ATRNL1: variants seen among roughly 807,000 people sequenced by gnomAD.
ATRNL1 encodes attractin like 1.
Under a neutral mutation model 182.7 loss-of-function variants are expected in ATRNL1, and 95 were observed. The ratio of observed to expected loss-of-function variants is 0.52; its 90% CI spans 0.44 to 0.62. The LOEUF (loss-of-function observed/expected upper bound fraction) is 0.62, where lower values mean the gene tolerates loss of function less well. ATRNL1 is among the 20% of genes least tolerant of loss of function. ATRNL1 has a pLI of 0.00. For synonymous variants in ATRNL1, 576 were observed against 568.3 expected (o/e 1.01, Z -0.19); for missense variants, 1,471 against 1,679.5 (o/e 0.88, Z 2.17).
intron 26 of ATRNL1, among the ~76,000 whole-genome samples, chr10:115,584,726 A>T (rs2133897131): frequency 6.6e-6 from 1 of 151,962 alleles, no homozygotes; most frequent in East Asian, 1.9e-4. Flanking sequence ...ATTTTTTGAA[A>T]GCTTTTTGTG....
intron 3 of ATRNL1, among the ~76,000 whole-genome samples, chr10:115,127,172 C>T (rs1845009396): frequency 6.6e-6 from 1 of 152,136 alleles, no homozygotes. Context: ...TGTAGAGTGT[C>T]TTCCAGCTTC....
At chr10:115,197,355 G>T (rs1848401337) in intron 8 of ATRNL1, among the ~76,000 whole-genome samples, 1 of 151,852 alleles carries the variant, frequency 6.6e-6, no homozygotes, top group African/African-American at 2.4e-5. Flanking sequence ...TCTTTATATG[G>T]TTTTGTAATC....
chr10:115,527,914 T>TC (rs1565132924), intron 25 of ATRNL1, among the ~76,000 whole-genome samples: 3 of 68,360 alleles, frequency 4.4e-5, no homozygotes, highest in Non-Finnish European at 8.8e-5. Flanking sequence ...CTTCCTTCCT[T>TC]CCTCCCTTCC....
At chr10:115,604,048 G>T (rs1369788161) in intron 26 of ATRNL1, among the ~76,000 whole-genome samples, 6 of 151,828 alleles carry the variant, frequency 4.0e-5, no homozygotes, top group Non-Finnish European at 7.4e-5. Flanking sequence ...TCATTCTTTC[G>T]ATGTCATTTC....
chr10:115,136,958 G>A (rs1417918208), intron 5 of ATRNL1, among the ~76,000 whole-genome samples: 2 of 152,156 alleles, frequency 1.3e-5, no homozygotes, highest in Non-Finnish European at 2.9e-5. Context: ...CAAACATTGG[G>A]ATAGAAGAGC....
At chr10:115,463,280 A>T (rs1847901956) in intron 22 of ATRNL1, among the ~76,000 whole-genome samples, 1 of 151,824 alleles carries the variant, frequency 6.6e-6, no homozygotes. Flanking sequence ...TTTACATTTT[A>T]TGTTACTCTT....
Position 115,467,186 on chromosome 10 carries a change from C to A in ATRNL1, c.3430C>A (p.Leu1144Met). 1 of 1,602,550 alleles carries A rather than the reference C, an allele frequency of 6.2e-7. No individual in the cohort carries two copies. Among genetic ancestry groups the A allele is most frequent in the Non-Finnish European group, 8.5e-7 (1 of 1,172,882 alleles). The change falls in exon 23 of 29, where the codon CTG (leucine) becomes ATG (methionine). Residue 1144 changes from leucine to methionine, a missense_variant. Physicochemically the swap from Leu to Met is conservative, Grantham distance 15. Coordinates refer to ENST00000355044, the MANE Select transcript of ATRNL1 (RefSeq NM_207303.4). ...TCTTTTCTGGTAGTCGAACAAAAAT[C>A]TGGATATATCAATTAATGCATCAAA... The part of the protein sequence containing the change: ...IANPEQSNKN[L>M]DISINASNNF...
chr10:115,278,412 G>C (rs1381581974), intron 13 of ATRNL1, among the ~76,000 whole-genome samples: 1 of 152,230 alleles, frequency 6.6e-6, no homozygotes, highest in East Asian at 1.9e-4. Context: ...GACACCTCCA[G>C]CTATCAATGT....
chr10:115,222,143 C>T (rs541336793), intron 9 of ATRNL1, among the ~76,000 whole-genome samples: 1 of 151,948 alleles, frequency 6.6e-6, no homozygotes, highest in South Asian at 2.1e-4. Context: ...AATGGAAATT[C>T]TAGAACTGAA....
chr10:115,324,069 G>A (rs374841553), intron 18 of ATRNL1, among the ~76,000 whole-genome samples: 3 of 152,134 alleles, frequency 2.0e-5, no homozygotes, highest in East Asian at 1.9e-4. Context: ...GAGCCACCGC[G>A]TCTGACCTAT....
intron 27 of ATRNL1, among the ~76,000 whole-genome samples, chr10:115,768,535 T>C (rs1948913754): frequency 6.6e-6 from 1 of 152,126 alleles, no homozygotes; most frequent in Non-Finnish European, 1.5e-5. Flanking sequence ...TTCTATTTTT[T>C]GACCATCGTT....
intron 26 of ATRNL1, among the ~76,000 whole-genome samples, chr10:115,718,714 G>A (rs782804842): frequency 5.3e-5 from 8 of 152,252 alleles, no homozygotes; most frequent in African/African-American, 1.7e-4. Flanking sequence ...AAAATTTCCC[G>A]AAGAGTCACC....
intron 5 of ATRNL1, among the ~76,000 whole-genome samples, chr10:115,135,307 C>T (rs1266375831): frequency 6.6e-6 from 1 of 152,162 alleles, no homozygotes; most frequent in East Asian, 1.9e-4. Context: ...AGCCCAAAAT[C>T]TCCTTAAGCT....
At position 115,385,315 on chromosome 10, in the gene ATRNL1, T is replaced by G. The variant is rs1370182724; in HGVS notation, c.3176-9344T>G. On this transcript the variant is annotated intron_variant, in intron 19 of 28. Coordinates refer to ENST00000355044, the MANE Select transcript of ATRNL1 (RefSeq NM_207303.4). ...GTCTGTTGGCTAAGGACATTAAATATCTTTTCATGTGTTTATTAGCAAGTT... is the reference window on the plus strand; with the variant it reads ...GTCTGTTGGCTAAGGACATTAAATAGCTTTTCATGTGTTTATTAGCAAGTT... 2.0e-5 allele frequency among the ~76,000 whole-genome samples: 3 copies of G among 152,158 alleles called. No homozygotes were observed. The East Asian group carries it at 5.8e-4, about 29-fold the overall frequency.
intron 5 of ATRNL1, among the ~76,000 whole-genome samples, chr10:115,139,150 T>C (rs184984229): frequency 4.0e-4 from 61 of 152,332 alleles, no homozygotes; most frequent in African/African-American, 1.4e-3. Context: ...TCATTGTCCA[T>C]ATGATTATCA....
intron 10 of ATRNL1, among the ~76,000 whole-genome samples, chr10:115,244,654 A>G (rs952765592): frequency 6.6e-6 from 1 of 152,128 alleles, no homozygotes; most frequent in Admixed American, 6.5e-5. Flanking sequence ...ATCTAGTTTG[A>G]GGTCAGATTT....
In ATRNL1 at chr10:115,286,212, C is replaced by T. The variant is rs1554918797; in HGVS notation, c.2234-4C>T. On this transcript the variant is annotated splice_region_variant and splice_polypyrimidine_tract_variant and intron_variant, in intron 14 of 28. Transcript: ENST00000355044. The stretch of plus-strand genomic sequence containing the variant: ...ACAATAAGACACATTTTTTTTCTTA[C>T]TAGCTCATCTTTGTGGAGAAGGATG... The T allele has an allele frequency of 5.4e-6, 8 of 1,486,594 alleles. No individual in the cohort carries two copies. The Admixed American group carries it at 5.9e-5, about 11-fold the overall frequency. The allele number at this position is 1,486,594 out of a possible 1,614,324, so 92.1% of individuals were successfully genotyped here. A position where few individuals can be genotyped will look rare whatever the true frequency, so the allele number is the denominator to read the frequency against.
At chr10:115,186,170 C>T (rs1316183315) in intron 8 of ATRNL1, among the ~76,000 whole-genome samples, 3 of 151,954 alleles carry the variant, frequency 2.0e-5, no homozygotes, top group Admixed American at 6.6e-5. Context: ...GGCAAAGGAT[C>T]TAAGTAGACA....
chr10:115,890,532 G>T (rs1952054740), intron 28 of ATRNL1, among the ~76,000 whole-genome samples: 1 of 151,952 alleles, frequency 6.6e-6, no homozygotes, highest in African/African-American at 2.4e-5. Flanking sequence ...TTTGAAAATT[G>T]CTGCTGCTTG....
Sources: gnomAD v4.1 joint callset for allele counts (sites outside exome capture counted in the v4.1 genomes callset) on GRCh38, gnomAD v4.1.1 for gene constraint, MANE v1.5 for transcripts, NCBI Gene and HGNC (gene_info 2026-07-23, HGNC 2026-07-21) for gene names.